ZNF641: variants seen among roughly 807,000 people sequenced by gnomAD.
The protein encoded by ZNF641 is zinc finger protein 641.
A neutral mutation model predicts 46.2 loss-of-function variants in ZNF641; 26 were observed. The observed-to-expected ratio is 0.56, with a 90% CI of 0.41 to 0.78. ZNF641 has a LOEUF of 0.78. Ranked by LOEUF, ZNF641 falls within the 30% of genes least tolerant of loss-of-function variation. The pLI, the probability that ZNF641 is intolerant of heterozygous loss-of-function variation, is 0.00. For synonymous variants in ZNF641, 163 were observed against 187.9 expected, an observed-to-expected ratio of 0.87 and a Z score of 1.09; for missense variants, 469 against 517.8, an observed-to-expected ratio of 0.91 and a Z score of 0.91.
chr12:48,351,114 T>C (rs2634674), upstream of ZNF641: 117,626 of 151,680 alleles, frequency 0.78, 46,501 homozygotes, highest in Non-Finnish European at 0.86. Context: ...CGCCCGCCGC[T>C]GTGGGGAGGG....
chr12:48,345,900 T>C (rs1424782686), intron 3 of ZNF641, among the ~76,000 whole-genome samples: 2 of 136,202 alleles, frequency 1.5e-5, no homozygotes, highest in African/African-American at 5.3e-5. Context: ...CTTGCCTCCC[T>C]TGCCACAGCA....
At position 48,337,648 on chromosome 12, in the gene ZNF641, G is replaced by C. The variant is rs927487614; in HGVS notation, c.*5325C>G. 1 of 141,578 alleles carries C rather than the reference G, an allele frequency of 7.1e-6. No homozygotes were observed. Among genetic ancestry groups the C allele is most frequent in the African/African-American group, 2.7e-5 (1 of 37,236 alleles). The allele number at this position is 141,578 out of a possible 1,614,324, so 8.8% of individuals were successfully genotyped here. On this transcript the variant is annotated 3_prime_UTR_variant, in exon 6 of 6. Transcript: ENST00000547026. ...ATCCTGGCTAACACCGTGAAACCCC[G>C]TCTCTACTAAAAAAAATACAAAAAA...
Position 48,347,835 on chromosome 12 carries a change from T to A in ZNF641, c.184+72A>T. ...TTTAGTCCATGGCAATTTGGAGATT[T>A]TTAACCCTACTTTTGGAATAAATAT... is the stretch of plus-strand genomic sequence containing the variant. On this transcript the variant is annotated intron_variant, in intron 2 of 5. Transcript: ENST00000547026. 4 of 1,485,194 alleles carry A rather than the reference T, an allele frequency of 2.7e-6. No homozygotes were observed. The Admixed American group carries it at 7.2e-5, about 27-fold the overall frequency. The allele number at this position is 1,485,194 out of a possible 1,614,324, so 92.0% of individuals were successfully genotyped here. A position where few individuals can be genotyped will look rare whatever the true frequency, so the allele number is the denominator to read the frequency against.
intron 5 of ZNF641, among the ~76,000 whole-genome samples, chr12:48,343,989 G>C (rs1952793282): frequency 6.6e-6 from 1 of 152,180 alleles, no homozygotes; most frequent in Non-Finnish European, 1.5e-5. Flanking sequence ...TGTAAAATTG[G>C]AATAATACCT....
rs1056676908 is a variant in ZNF641, at chr12:48,350,912, C to G, written c.-152G>C. 3.1e-6 allele frequency: 3 copies of G among 965,452 alleles called. No individual in the cohort carries two copies. The highest frequency in any genetic ancestry group is 3.5e-5 in the African/African-American group (2 of 56,770). The allele number at this position is 965,452 out of a possible 1,614,324, so 59.8% of individuals were successfully genotyped here. A position where few individuals can be genotyped will look rare whatever the true frequency, so the allele number is the denominator to read the frequency against. ...CCAGCGACAGGCGGAGACGGCGGCC[C>G]GGCAGGCGCGGGCGGGGCGGGGCGG... On this transcript the variant is annotated 5_prime_UTR_variant, in exon 1 of 6. Transcript: ENST00000547026.
downstream of ZNF641, among the ~76,000 whole-genome samples, chr12:48,336,398 A>T (rs900051591): frequency 6.6e-6 from 1 of 152,192 alleles, no homozygotes; most frequent in Non-Finnish European, 1.5e-5. Flanking sequence ...GAAAATAAGG[A>T]AACTTATGAG....
rs1426593731 is a variant in ZNF641 at position 48,340,247 on chromosome 12, C to T, written c.*2726G>A. Reference sequence around the variant, plus strand: ...GCCCCTTCTGTAGAAGGCCCTTAGACTCCATGATGCCTTTCAGCTGGGTGC... The same window carrying T: ...GCCCCTTCTGTAGAAGGCCCTTAGATTCCATGATGCCTTTCAGCTGGGTGC... On this transcript the variant is annotated 3_prime_UTR_variant, in exon 6 of 6. Coordinates refer to ENST00000547026, the MANE Select transcript of ZNF641 (RefSeq NM_001172681.2). The T allele has an allele frequency of 2.0e-6, 2 of 985,326 alleles. No homozygotes were observed. Among genetic ancestry groups the T allele is most frequent in the South Asian group, 4.7e-5 (1 of 21,296 alleles). The allele number at this position is 985,326 out of a possible 1,614,324, so 61.0% of individuals were successfully genotyped here. A position where few individuals can be genotyped will look rare whatever the true frequency, so the allele number is the denominator to read the frequency against.
intron 1 of ZNF641, chr12:48,350,136 C>G: frequency 1.9e-6 from 3 of 1,611,840 alleles, no homozygotes; most frequent in Admixed American, 3.3e-5. Flanking sequence ...CTCCTGGTTC[C>G]AGGATGATCC....
chr12:48,347,785 G>T, intron 2 of ZNF641, 122 bp downstream of exon 2: 1 of 910,898 alleles, frequency 1.1e-6, no homozygotes, highest in Non-Finnish European at 1.6e-6. Context: ...GAAAGAATGG[G>T]CTGGTCCTGG....
At chr12:48,347,851 G>C in intron 2 of ZNF641, 56 bp downstream of exon 2, 1 of 1,546,510 alleles carries the variant, frequency 6.5e-7, no homozygotes, top group South Asian at 1.1e-5. Flanking sequence ...CCTACTTTTG[G>C]AATAAATATT....
rs1952901067 is a variant in ZNF641, at chr12:48,347,291, G to A, written c.237C>T (p.Asp79=). 1 of 1,613,918 alleles carries A rather than the reference G, an allele frequency of 6.2e-7. No individual in the cohort carries two copies. The highest frequency in any genetic ancestry group is 8.5e-7 in the Non-Finnish European group (1 of 1,179,846). Residue 79 remains aspartate (D), a synonymous_variant, in exon 3 of 6, where the codon GAC becomes GAT. Transcript: ENST00000547026. The part of the protein sequence containing the change: ...PAIPQEGNTG[D]WEMAAALLAA... ...CAAGAAGTGCAGCTGCCATCTCCCA[G>A]TCTCCAGTGTTCCCCTCCTGGGGAA... is the stretch of plus-strand genomic sequence containing the variant.
chr12:48,339,915 A>C lies in ZNF641; in HGVS notation c.*3058T>G. 4.1e-6 allele frequency: 4 copies of C among 984,450 alleles called. No homozygotes were observed. Among genetic ancestry groups the C allele is most frequent in the Non-Finnish European group, 4.8e-6 (4 of 828,996 alleles). The allele number at this position is 984,450 out of a possible 1,614,324, so 61.0% of individuals were successfully genotyped here. A position where few individuals can be genotyped will look rare whatever the true frequency, so the allele number is the denominator to read the frequency against. On this transcript the variant is annotated 3_prime_UTR_variant, in exon 6 of 6. Transcript: ENST00000547026. ...TCCTATGCAAGGGATTCTTTGAAAGATACTATGTTGGGGTGGAAAGGGGAG... is the reference window on the plus strand; with the variant it reads ...TCCTATGCAAGGGATTCTTTGAAAGCTACTATGTTGGGGTGGAAAGGGGAG...
intron 5 of ZNF641, among the ~76,000 whole-genome samples, chr12:48,344,007 C>T (rs1043910624): frequency 4.6e-5 from 7 of 152,306 alleles, no homozygotes; most frequent in African/African-American, 9.6e-5. Flanking sequence ...CCTCTCTCTC[C>T]GGCAGTTATA....
In ZNF641 at chr12:48,342,083, G is replaced by A. The variant is rs1230573223; in HGVS notation, c.*890C>T. The A allele has an allele frequency of 6.1e-6, 6 of 985,340 alleles. No homozygotes were observed. Among genetic ancestry groups the A allele is most frequent in the African/African-American group, 1.7e-5 (1 of 57,224 alleles). 61.0% of individuals were successfully genotyped at this position (985,340 alleles called of 1,614,324 possible). A position where few individuals can be genotyped will look rare whatever the true frequency, so the allele number is the denominator to read the frequency against. On this transcript the variant is annotated 3_prime_UTR_variant, in exon 6 of 6. Coordinates refer to ENST00000547026, the MANE Select transcript of ZNF641 (RefSeq NM_001172681.2). ...CACAGACACATAAAGACAGTCAAGA[G>A]GAGAGAGGGGACTGTTCAAGGGGAT...
chr12:48,350,206 G>C, intron 1 of ZNF641: 4 of 1,509,532 alleles, frequency 2.6e-6, no homozygotes, highest in Non-Finnish European at 3.5e-6. Flanking sequence ...CACACATATG[G>C]GTAGCAAGGG....
At chr12:48,349,587 A>T (rs984742197) in intron 1 of ZNF641, among the ~76,000 whole-genome samples, 1 of 152,236 alleles carries the variant, frequency 6.6e-6, no homozygotes, top group Non-Finnish European at 1.5e-5. Flanking sequence ...ATGCACAGGA[A>T]AAACAAATTC....
intron 3 of ZNF641, among the ~76,000 whole-genome samples, chr12:48,346,692 A>C (rs1314875423): frequency 1.3e-5 from 2 of 152,162 alleles, no homozygotes; most frequent in Non-Finnish European, 2.9e-5. Flanking sequence ...CCTCCTGTGG[A>C]TAACAAACAC....
At position 48,340,515 on chromosome 12, in the gene ZNF641, C is replaced by T; in HGVS notation, c.*2458G>A. On this transcript the variant is annotated 3_prime_UTR_variant, in exon 6 of 6. Transcript: ENST00000547026. ...GTCGTAATTAAAGACCAGACTCCAT[C>T]CTTATACCACTGATGCCTCTGGTAC... is the stretch of plus-strand genomic sequence containing the variant. The T allele has an allele frequency of 3.1e-6, 3 of 971,178 alleles. No individual in the cohort carries two copies. Among genetic ancestry groups the T allele is most frequent in the Non-Finnish European group, 3.6e-6 (3 of 823,252 alleles). The allele number at this position is 971,178 out of a possible 1,614,324, so 60.2% of individuals were successfully genotyped here.
rs910775318 is a variant in ZNF641 at position 48,340,065 on chromosome 12, G to A, written c.*2908C>T. 2.0e-6 allele frequency: 2 copies of A among 985,428 alleles called. No individual in the cohort carries two copies. The highest frequency in any genetic ancestry group is 2.4e-6 in the Non-Finnish European group (2 of 829,932). The allele number at this position is 985,428 out of a possible 1,614,324, so 61.0% of individuals were successfully genotyped here. A position where few individuals can be genotyped will look rare whatever the true frequency, so the allele number is the denominator to read the frequency against. ...TCTTTTTATTTAAAGGGGACGGGGT[G>A]AAACATGAACATTTGAGGCTGATTC... On this transcript the variant is annotated 3_prime_UTR_variant, in exon 6 of 6. Coordinates refer to ENST00000547026, the MANE Select transcript of ZNF641 (RefSeq NM_001172681.2).
Sources: gnomAD v4.1 joint callset for allele counts (sites outside exome capture counted in the v4.1 genomes callset) on GRCh38, gnomAD v4.1.1 for gene constraint, MANE v1.5 for transcripts, NCBI Gene and HGNC (gene_info 2026-07-23, HGNC 2026-07-21) for gene names.